C8orf88: variants seen among roughly 807,000 people sequenced by gnomAD.
C8orf88 encodes uncharacterized protein C8orf88.
C8orf88 carries 14 observed loss-of-function variants against 18.4 expected under a neutral mutation model. That is an observed-to-expected ratio of 0.76 (90% CI 0.50 to 1.19). The LOEUF (loss-of-function observed/expected upper bound fraction) is 1.19, where lower values mean the gene tolerates loss of function less well. Among genes scored for constraint, C8orf88 ranks in the 50% most tolerant of loss-of-function variants. The probability of loss-of-function intolerance (pLI) is 0.00; values close to 1 mark genes in which losing one functional copy is unlikely to be tolerated. For missense variants in C8orf88, 116 were observed against 134.7 expected (o/e 0.86, Z 0.69); for synonymous variants, 45 against 42.9 (o/e 1.05, Z -0.19).
At chr8:90,982,503 T>C (rs1811448220) in intron 1 of C8orf88, among the ~76,000 whole-genome samples, 1 of 152,150 alleles carries the variant, frequency 6.6e-6, no homozygotes, top group Non-Finnish European at 1.5e-5. Flanking sequence ...TGAAATTTAG[T>C]TGTAGGTTGT....
At chr8:90,984,572 A>ATT (rs140002018) in intron 1 of C8orf88, among the ~76,000 whole-genome samples, 9 of 150,410 alleles carry the variant, frequency 6.0e-5, no homozygotes, top group East Asian at 1.9e-4. Context: ...AACTAATTTA[A>ATT]TTTTTTTTTT....
intron 3 of C8orf88, 22 bp downstream of exon 3, chr8:90,978,553 CTTCT>C: frequency 7.1e-7 from 1 of 1,402,042 alleles, no homozygotes; most frequent in South Asian, 1.3e-5. Flanking sequence ...ATAATATTTC[CTTCT>C]GTTATAATTT....
At chr8:90,983,795 T>C (rs796277331) in intron 1 of C8orf88, among the ~76,000 whole-genome samples, 19 of 152,288 alleles carry the variant, frequency 1.2e-4, no homozygotes, top group African/African-American at 4.6e-4. Flanking sequence ...ATATTAGGAT[T>C]TGACTACAAA....
chr8:90,983,857 T>C (rs1219215259), intron 1 of C8orf88, among the ~76,000 whole-genome samples: 1 of 152,174 alleles, frequency 6.6e-6, no homozygotes. Context: ...AAGAAAGATA[T>C]CTGACTGTCC....
In C8orf88 at chr8:90,977,923, G is replaced by A. The variant is rs139591966; in HGVS notation, c.147+656C>T. ...GATGGTGCCATTGCACTCCAGCTTG[G>A]GCAACAAGAGTGAAACTCCATCTCA... On this transcript the variant is annotated intron_variant, in intron 3 of 5. Coordinates refer to ENST00000517562, the MANE Select transcript of C8orf88 (RefSeq NM_001190972.2). Among the ~76,000 whole-genome samples, 1,378 of 152,052 alleles carry A rather than the reference G, an allele frequency of 9.1e-3. 21 individuals are homozygous for A. The highest frequency in any genetic ancestry group is 0.031 in the African/African-American group (1,290 of 41,476).
At position 90,983,702 on chromosome 8, in the gene C8orf88, A is replaced by G. The variant is rs1171197111; in HGVS notation, c.-27+1412T>C. Among the ~76,000 whole-genome samples, 4 of 152,142 alleles carry G rather than the reference A, an allele frequency of 2.6e-5. No individual in the cohort carries two copies. In the South Asian group the frequency reaches 8.3e-4, roughly 32 times the overall value. On this transcript the variant is annotated intron_variant, in intron 1 of 5. Coordinates refer to ENST00000517562, the MANE Select transcript of C8orf88 (RefSeq NM_001190972.2). ...ATATGAACGGTGGAAGAAAATTATT[A>G]TTAGTCCCACTTCACAGATAAGAAA...
At chr8:90,983,624 CTTT>C (rs1239856626) in intron 1 of C8orf88, among the ~76,000 whole-genome samples, 2 of 151,912 alleles carry the variant, frequency 1.3e-5, no homozygotes, top group Non-Finnish European at 2.9e-5. Flanking sequence ...ATTAAGATGC[CTTT>C]TTAAGGTCCT....
chr8:90,958,957 T>G lies in C8orf88; in HGVS notation c.*50A>C, dbSNP rs1169722555. ...GTCCATTACAGTTATTGTTGCTAGA[T>G]CCACCTCATTTGCAGATGTCCAAAC... On this transcript the variant is annotated 3_prime_UTR_variant, in exon 6 of 6. Coordinates refer to ENST00000517562, the MANE Select transcript of C8orf88 (RefSeq NM_001190972.2). 8.3e-7 allele frequency: 1 copy of G among 1,202,304 alleles called. No individual in the cohort carries two copies. Among genetic ancestry groups the G allele is most frequent in the African/African-American group, 1.6e-5 (1 of 64,252 alleles). The allele number at this position is 1,202,304 out of a possible 1,614,324, so 74.5% of individuals were successfully genotyped here.
chr8:90,961,063 T>G (rs999029878), intron 4 of C8orf88, among the ~76,000 whole-genome samples: 4 of 151,278 alleles, frequency 2.6e-5, no homozygotes, highest in African/African-American at 9.7e-5. Flanking sequence ...AAGGAAACAA[T>G]GAAAGAAATA....
chr8:90,970,499 T>C (rs1011705474), intron 4 of C8orf88, among the ~76,000 whole-genome samples: 1 of 152,098 alleles, frequency 6.6e-6, no homozygotes, highest in Non-Finnish European at 1.5e-5. Context: ...CCTAGAGCAG[T>C]TTTTTCTTTT....
rs1811429692 is a variant in C8orf88 at position 90,981,099 on chromosome 8, C to G, written c.-26-638G>C. Among the ~76,000 whole-genome samples the G allele has an allele frequency of 2.6e-5, 4 of 152,100 alleles. No individual in the cohort carries two copies. In the South Asian group the frequency reaches 8.3e-4, roughly 31 times the overall value. On this transcript the variant is annotated intron_variant, in intron 1 of 5. Transcript: ENST00000517562. ...TTCCAGAATCTACTTCTCTTTTAAA[C>G]TCCAGTTCTATTTTTCTAATTGTCT...
Position 90,980,964 on chromosome 8 carries a change from CTCT to C in C8orf88, c.-26-506_-26-504del, listed in dbSNP as rs142716014. Among the ~76,000 whole-genome samples, 44 of 152,098 alleles carry C rather than the reference CTCT, an allele frequency of 2.9e-4. No homozygotes were observed. In the East Asian group the frequency reaches 4.1e-3, roughly 14 times the overall value. On this transcript the variant is annotated intron_variant, in intron 1 of 5. Coordinates refer to ENST00000517562, the MANE Select transcript of C8orf88 (RefSeq NM_001190972.2). ...CTCTTCTAACTTCCTTAGCTGATTCCTCTTCTTCTGTCTTTCTTCCGAATTTGG... is the reference window on the plus strand; with the variant it reads ...CTCTTCTAACTTCCTTAGCTGATTCCTCTTCTGTCTTTCTTCCGAATTTGG...
chr8:90,982,564 G>A (rs1373016820), intron 1 of C8orf88, among the ~76,000 whole-genome samples: 1 of 151,974 alleles, frequency 6.6e-6, no homozygotes, highest in Non-Finnish European at 1.5e-5. Flanking sequence ...TTCAAACTAG[G>A]GATTTTCAAG....
In C8orf88 at chr8:90,978,192, C is replaced by T. The variant is rs553159233; in HGVS notation, c.147+387G>A. Among the ~76,000 whole-genome samples the T allele has an allele frequency of 1.2e-3, 184 of 152,040 alleles. 3 individuals carry two copies. The South Asian group carries it at 0.012, about 10-fold the overall frequency. Reference sequence around the variant, plus strand: ...TAAAATTTGTAATAAAATGTTAAAGCAAAGATGACAAAATCCTATTTACAT... The same window carrying T: ...TAAAATTTGTAATAAAATGTTAAAGTAAAGATGACAAAATCCTATTTACAT... On this transcript the variant is annotated intron_variant, in intron 3 of 5. Transcript: ENST00000517562.
intron 3 of C8orf88, among the ~76,000 whole-genome samples, chr8:90,971,821 A>G (rs1811288662): frequency 6.6e-6 from 1 of 152,066 alleles, no homozygotes; most frequent in Admixed American, 6.6e-5. Flanking sequence ...TCACCAAGAC[A>G]TACTCAGATT....
At chr8:90,975,641 T>C (rs1811337507) in intron 3 of C8orf88, among the ~76,000 whole-genome samples, 1 of 152,096 alleles carries the variant, frequency 6.6e-6, no homozygotes, top group Admixed American at 6.5e-5. Context: ...AGATTGACCA[T>C]TCTAATGTTG....
intron 3 of C8orf88, among the ~76,000 whole-genome samples, chr8:90,976,353 T>C (rs1231232655): frequency 1.3e-5 from 2 of 152,162 alleles, no homozygotes; most frequent in East Asian, 3.8e-4. Flanking sequence ...TGCATTATAA[T>C]TGAAGCAGCA....
chr8:90,981,353 A>C (rs1811433162), intron 1 of C8orf88, among the ~76,000 whole-genome samples: 1 of 152,046 alleles, frequency 6.6e-6, no homozygotes, highest in Non-Finnish European at 1.5e-5. Flanking sequence ...ATTTTGTTTC[A>C]CCATATATTT....
At chr8:90,966,522 A>G (rs1811201744) in intron 4 of C8orf88, among the ~76,000 whole-genome samples, 1 of 148,548 alleles carries the variant, frequency 6.7e-6, no homozygotes, top group African/African-American at 2.4e-5. Context: ...TAATAATAAT[A>G]AAGAATTCAC....
Sources: gnomAD v4.1 joint callset for allele counts (sites outside exome capture counted in the v4.1 genomes callset) on GRCh38, gnomAD v4.1.1 for gene constraint, MANE v1.5 for transcripts, NCBI Gene and HGNC (gene_info 2026-07-23, HGNC 2026-07-21) for gene names.